The following DERA variants were observed in gnomAD, a reference collection of about 807,000 sequenced individuals.
DERA encodes the protein 2-deoxy-D-ribose 5-phosphate aldolase.
In DERA, 15 loss-of-function variants were observed where a neutral mutation model predicts 41.1. The ratio of observed to expected loss-of-function variants is 0.37; its 90% CI spans 0.24 to 0.56. DERA has a LOEUF of 0.56. Ranked by LOEUF, DERA falls within the 20% of genes least tolerant of loss-of-function variation. The probability of loss-of-function intolerance (pLI) is 0.81; values close to 1 mark genes in which losing one functional copy is unlikely to be tolerated. For missense variants in DERA, 396 were observed against 403.4 expected (o/e 0.98, Z 0.16); for synonymous variants, 139 against 137.4 (o/e 1.01, Z -0.08).
chr12:15,927,252 CT>C (rs1264006551), intron 1 of DERA, among the ~76,000 whole-genome samples: 3 of 152,178 alleles, frequency 2.0e-5, no homozygotes, highest in Non-Finnish European at 4.4e-5. Flanking sequence ...TCTTCTACTC[CT>C]CCCAACAATT....
At chr12:15,947,545 GT>G (rs1948460351) in intron 1 of DERA, among the ~76,000 whole-genome samples, 1 of 151,880 alleles carries the variant, frequency 6.6e-6, no homozygotes, top group Non-Finnish European at 1.5e-5. Flanking sequence ...CCTTTTTATT[GT>G]TTTCCATTTG....
chr12:15,958,514 CTTT>C (rs78571301), intron 3 of DERA, among the ~76,000 whole-genome samples, 179 bp downstream of exon 3: 25 of 124,048 alleles, frequency 2.0e-4, no homozygotes, highest in Admixed American at 2.4e-4. Context: ...GAATCTGAGT[CTTT>C]TTTTTTTTTT....
At chr12:15,969,011 C>A (rs1413796396) in intron 5 of DERA, among the ~76,000 whole-genome samples, 1 of 152,208 alleles carries the variant, frequency 6.6e-6, no homozygotes, top group Non-Finnish European at 1.5e-5. Context: ...ATGATTTTTA[C>A]AACCCTTTAG....
Position 15,959,569 on chromosome 12 carries a change from A to G in DERA, c.278-260A>G, listed in dbSNP as rs1373503618. 1.3e-5 allele frequency among the ~76,000 whole-genome samples: 2 copies of G among 152,250 alleles called. No homozygotes were observed. Among genetic ancestry groups the G allele is most frequent in the Non-Finnish European group, 2.9e-5 (2 of 68,048 alleles). Reference sequence around the variant, plus strand: ...CAAATTTACTATTTAGACATTTTTAAAAAACAGTACTATGTTAATCTCAAA... The same window carrying G: ...CAAATTTACTATTTAGACATTTTTAGAAAACAGTACTATGTTAATCTCAAA... On this transcript the variant is annotated intron_variant, in intron 3 of 8. Coordinates refer to ENST00000428559, the MANE Select transcript of DERA (RefSeq NM_015954.4). This position sits in a 1 kb window ranked among gnomAD's most constrained non-coding sequence, Gnocchi z 4.5.
At chr12:15,953,626 C>T (rs1396150841) in intron 1 of DERA, among the ~76,000 whole-genome samples, 1 of 152,020 alleles carries the variant, frequency 6.6e-6, no homozygotes, top group Non-Finnish European at 1.5e-5. Context: ...ATCTGTTCTC[C>T]CCAAAGGCAT....
At position 15,959,834 on chromosome 12, in the gene DERA, A is replaced by G. The variant is rs1460569421; in HGVS notation, c.283A>G (p.Thr95Ala). ...KALNMHDKGI[T>A]TAAVCVYPAR... ...TTCCTATTTTTTCTTGATAGGCATTACTACAGCCGCCGTTTGTGTTTATCC... is the reference window on the plus strand; with the variant it reads ...TTCCTATTTTTTCTTGATAGGCATTGCTACAGCCGCCGTTTGTGTTTATCC... The change falls in exon 4 of 9, where the codon ACT becomes GCT. Residue 95 changes from threonine (T) to alanine (A), a missense_variant. Thr to Ala is a moderately conservative substitution (Grantham distance 58). Transcript: ENST00000428559. The surrounding 1 kb of genome is among the most constrained non-coding windows in gnomAD (Gnocchi z 4.5). 1 of 1,542,750 alleles carries G rather than the reference A, an allele frequency of 6.5e-7. No homozygotes were observed. Among genetic ancestry groups the G allele is most frequent in the Non-Finnish European group, 8.8e-7 (1 of 1,140,102 alleles).
Position 15,936,886 on chromosome 12 carries a change from T to TTGTCCTGTCCTGTCCTGTCC in DERA, c.32-20020_32-20001dup, listed in dbSNP as rs71438363. Among the ~76,000 whole-genome samples, 9 of 136,932 alleles carry TTGTCCTGTCCTGTCCTGTCC rather than the reference T, an allele frequency of 6.6e-5. No homozygotes were observed. The highest frequency in any genetic ancestry group is 2.1e-4 in the Admixed American group (3 of 14,004). The allele number at this position is 136,932 out of a possible 152,430, so 89.8% of individuals were successfully genotyped here. On this transcript the variant is annotated intron_variant, in intron 1 of 8. Coordinates refer to ENST00000428559, the MANE Select transcript of DERA (RefSeq NM_015954.4). The surrounding 1 kb of genome is among the most constrained non-coding windows in gnomAD (Gnocchi z 4.6). ...TTGTCTTGTCTTGTCTTGTCTTGTC[T>TTGTCCTGTCCTGTCCTGTCC]TGTCCTGTCCTGTCCTGTCCTGTCC...
At chr12:15,969,804 A>G (rs1233722864) in intron 5 of DERA, among the ~76,000 whole-genome samples, 2 of 152,232 alleles carry the variant, frequency 1.3e-5, no homozygotes, top group South Asian at 4.1e-4. Flanking sequence ...TATTTCTTTT[A>G]TAGAGTGTTA....
At chr12:15,946,730 TTCTGCTCTGA>T (rs914006253) in intron 1 of DERA, among the ~76,000 whole-genome samples, 6 of 152,204 alleles carry the variant, frequency 3.9e-5, no homozygotes, top group African/African-American at 1.4e-4. Context: ...TCTCCTTTAG[TTCTGCTCTGA>T]TCTCAGTTAT....
chr12:15,918,535 A>G lies in DERA; in HGVS notation c.31+7121A>G, dbSNP rs972748448. 6.6e-6 allele frequency among the ~76,000 whole-genome samples: 1 copy of G among 152,182 alleles called. No individual in the cohort carries two copies. The highest frequency in any genetic ancestry group is 1.5e-5 in the Non-Finnish European group (1 of 68,038). ...TTAGGACAATCGTTTGGGAAGGGGA[A>G]GGGGGCCAGAATAATTTGTTTTTTT... On this transcript the variant is annotated intron_variant, in intron 1 of 8. Transcript: ENST00000428559. The surrounding 1 kb of genome is among the most constrained non-coding windows in gnomAD (Gnocchi z 4.3).
rs1197289444 is a variant in DERA at position 16,017,162 on chromosome 12, G to C, written c.638-15380G>C. On this transcript the variant is annotated intron_variant, in intron 6 of 8. Transcript: ENST00000428559. The surrounding 1 kb of genome is among the most constrained non-coding windows in gnomAD (Gnocchi z 5.5). ...CAACTTTATTTTTATTGAGGGGAAG[G>C]CATCCGGAAGAAATGTGGTTATCAT... Among the ~76,000 whole-genome samples the C allele has an allele frequency of 6.6e-6, 1 of 152,138 alleles. No homozygotes were observed. The highest frequency in any genetic ancestry group is 1.9e-4 in the East Asian group (1 of 5,192).
Position 15,954,834 on chromosome 12 carries a change from C to T in DERA, c.32-2102C>T, listed in dbSNP as rs142966985. Among the ~76,000 whole-genome samples the T allele has an allele frequency of 6.6e-6, 1 of 152,274 alleles. No homozygotes were observed. The highest frequency in any genetic ancestry group is 1.5e-5 in the Non-Finnish European group (1 of 68,010). ...CTGTGACCGATAAAGGACAGCCTGT[C>T]AAAGCCTTGCCCCACTGAGTAATAG... On this transcript the variant is annotated intron_variant, in intron 1 of 8. Coordinates refer to ENST00000428559, the MANE Select transcript of DERA (RefSeq NM_015954.4). The surrounding 1 kb of genome is among the most constrained non-coding windows in gnomAD (Gnocchi z 4.0).
Position 15,915,147 on chromosome 12 carries a change from C to T in DERA, c.31+3733C>T, listed in dbSNP as rs1948190379. On this transcript the variant is annotated intron_variant, in intron 1 of 8. Coordinates refer to ENST00000428559, the MANE Select transcript of DERA (RefSeq NM_015954.4). The surrounding 1 kb of genome is among the most constrained non-coding windows in gnomAD (Gnocchi z 4.8). ...TAATCGGTCTGGTTCAGGACCTGGA[C>T]ATCAAGCTAGAGCTACAATTAAATG... Among the ~76,000 whole-genome samples the T allele has an allele frequency of 6.6e-6, 1 of 152,176 alleles. No homozygotes were observed. The highest frequency in any genetic ancestry group is 2.4e-5 in the African/African-American group (1 of 41,434).
rs566652616 is a variant in DERA, at chr12:15,936,126, G to A, written c.32-20810G>A. ...TTCTTACCAAATATTGAAGTCACAC[G>A]TGGGTATTTCCACAATCTCCACTTG... On this transcript the variant is annotated intron_variant, in intron 1 of 8. Coordinates refer to ENST00000428559, the MANE Select transcript of DERA (RefSeq NM_015954.4). The surrounding 1 kb of genome is among the most constrained non-coding windows in gnomAD (Gnocchi z 4.6). Among the ~76,000 whole-genome samples, 12 of 152,336 alleles carry A rather than the reference G, an allele frequency of 7.9e-5. No individual in the cohort carries two copies. Among genetic ancestry groups the A allele is most frequent in the Non-Finnish European group, 1.5e-4 (10 of 68,028 alleles).
rs565461943 is a variant in DERA at position 15,982,821 on chromosome 12, T to C, written c.637+385T>C. Among the ~76,000 whole-genome samples, 1 of 152,384 alleles carries C rather than the reference T, an allele frequency of 6.6e-6. No homozygotes were observed. The highest frequency in any genetic ancestry group is 1.9e-4 in the East Asian group (1 of 5,194). ...ATCTCAGAGATATATATCCATACTA[T>C]CTGAGACAGCCTCTGCTTTTGTTTG... On this transcript the variant is annotated intron_variant, in intron 6 of 8. Coordinates refer to ENST00000428559, the MANE Select transcript of DERA (RefSeq NM_015954.4). The surrounding 1 kb of genome is among the most constrained non-coding windows in gnomAD (Gnocchi z 4.0).
rs1367142682 is a variant in DERA at position 15,994,814 on chromosome 12, C to T, written c.637+12378C>T. Among the ~76,000 whole-genome samples, 1 of 152,112 alleles carries T rather than the reference C, an allele frequency of 6.6e-6. No individual in the cohort carries two copies. The highest frequency in any genetic ancestry group is 1.9e-4 in the East Asian group (1 of 5,196). On this transcript the variant is annotated intron_variant, in intron 6 of 8. Transcript: ENST00000428559. The surrounding 1 kb of genome is among the most constrained non-coding windows in gnomAD (Gnocchi z 4.8). ...GAATGGATCCCTCAGTATATTGTACCAGGTAGATGCTTGATTATGCATATT... is the reference window on the plus strand; with the variant it reads ...GAATGGATCCCTCAGTATATTGTACTAGGTAGATGCTTGATTATGCATATT...
At chr12:16,030,883 A>G (rs1209683254) in intron 6 of DERA, among the ~76,000 whole-genome samples, 1 of 152,200 alleles carries the variant, frequency 6.6e-6, no homozygotes, top group African/African-American at 2.4e-5. Flanking sequence ...CATGGTAGTC[A>G]TGTCTCCACT....
intron 1 of DERA, among the ~76,000 whole-genome samples, chr12:15,939,555 A>T (rs960051717): frequency 1.3e-5 from 2 of 152,184 alleles, no homozygotes; most frequent in South Asian, 2.1e-4. Flanking sequence ...CCTCTTTGCA[A>T]AATTGTCATT....
intron 6 of DERA, among the ~76,000 whole-genome samples, chr12:16,030,533 G>T (rs775623981): frequency 2.0e-5 from 3 of 152,050 alleles, no homozygotes; most frequent in Non-Finnish European, 4.4e-5. Context: ...CCTAGCTCAA[G>T]GCCTTTACAC....
Sources: allele counts gnomAD v4.1 joint callset (sites outside exome capture counted in the v4.1 genomes callset), GRCh38; gene constraint gnomAD v4.1.1; non-coding constraint Gnocchi (gnomAD v3.1); transcripts MANE v1.5; gene names NCBI Gene and HGNC (gene_info 2026-07-23, HGNC 2026-07-21).